Variants in WFIKKN2 observed in about 807,000 individuals in gnomAD.
WFIKKN2 encodes WAP, follistatin/kazal, immunoglobulin, kunitz and netrin domain containing 2, also known as WAP, Kazal, immunoglobulin, Kunitz and NTR domain-containing protein 2.
Under a neutral mutation model 39.2 loss-of-function variants are expected in WFIKKN2, and 25 were observed. The ratio of observed to expected loss-of-function variants is 0.64; its 90% CI spans 0.47 to 0.89. WFIKKN2 has a LOEUF of 0.89. Among genes scored for constraint, WFIKKN2 ranks in the 40% least tolerant of loss-of-function variants. WFIKKN2 has a pLI of 0.00. For synonymous variants in WFIKKN2, 345 were observed against 329.7 expected (o/e 1.05, Z -0.50); for missense variants, 770 against 811.7 (o/e 0.95, Z 0.62).
At position 50,835,876 on chromosome 17, in the gene WFIKKN2, C is replaced by A; in HGVS notation, c.-62C>A. ...GTCTGCAGCCCCTGAGAAGAAGGCC[C>A]TGGTGGGCCCCAGACCCTGGCATCG... On this transcript the variant is annotated 5_prime_UTR_variant, in exon 1 of 2. It adds an upstream start codon to the 5' untranslated region. Coordinates refer to ENST00000311378, the MANE Select transcript of WFIKKN2 (RefSeq NM_175575.6). 6.5e-7 allele frequency: 1 copy of A among 1,546,266 alleles called. No individual in the cohort carries two copies. The highest frequency in any genetic ancestry group is 1.4e-5 in the African/African-American group (1 of 73,120).
rs761990117 is a variant in WFIKKN2, at chr17:50,840,345, T to C, written c.1057T>C (p.Cys353Arg). The C allele has an allele frequency of 2.5e-6, 4 of 1,614,130 alleles. No individual in the cohort carries two copies. Among genetic ancestry groups the C allele is most frequent in the East Asian group, 4.5e-5 (2 of 44,872 alleles). The change falls in exon 2 of 2, where the codon TGC becomes CGC. Residue 353 changes from cysteine (C) to arginine (R), a missense_variant. Transcript: ENST00000311378. ...RWHFDAQANN[C>R]LTFTFGHCHR... ...GCACTTCGATGCCCAGGCCAACAACTGCCTGACCTTCACCTTCGGCCACTG... is the reference window on the plus strand; with the variant it reads ...GCACTTCGATGCCCAGGCCAACAACCGCCTGACCTTCACCTTCGGCCACTG...
Position 50,841,051 on chromosome 17 carries a change from C to T in WFIKKN2, c.*32C>T, listed in dbSNP as rs780098060. 2.8e-5 allele frequency: 42 copies of T among 1,480,652 alleles called. No individual in the cohort carries two copies. The highest frequency in any genetic ancestry group is 3.6e-5 in the Non-Finnish European group (40 of 1,113,996). The allele number at this position is 1,480,652 out of a possible 1,614,324, so 91.7% of individuals were successfully genotyped here. A position where few individuals can be genotyped will look rare whatever the true frequency, so the allele number is the denominator to read the frequency against. ...CCACCCCTCCCTGCCCCCTCCCTGG[C>T]CTTCTTCCACCTATCCACCCCAATG... On this transcript the variant is annotated 3_prime_UTR_variant, in exon 2 of 2. Transcript: ENST00000311378.
At position 50,836,063 on chromosome 17, in the gene WFIKKN2, C is replaced by T. The variant is rs183877030; in HGVS notation, c.126C>T (p.His42=). 1,148 of 1,607,494 alleles carry T rather than the reference C, an allele frequency of 7.1e-4. 27 individuals carry two copies. In the East Asian group the frequency reaches 0.024, roughly 34 times the overall value. The change falls in exon 1 of 2, where the codon CAC becomes CAT. Residue 42 remains histidine (H), a synonymous_variant. Coordinates refer to ENST00000311378, the MANE Select transcript of WFIKKN2 (RefSeq NM_175575.6). ...SLALPPIRYS[H]AGICPNDMNP... The stretch of plus-strand genomic sequence containing the variant: ...CGCTGCCGCCCATCCGCTATTCCCA[C>T]GCCGGCATCTGCCCCAACGACATGA...
chr17:50,838,529 G>A (rs1175358343), intron 1 of WFIKKN2, among the ~76,000 whole-genome samples: 3 of 152,210 alleles, frequency 2.0e-5, no homozygotes, highest in Non-Finnish European at 4.4e-5. Flanking sequence ...TGAAATCCTT[G>A]TTTGTGTCAG....
At position 50,841,274 on chromosome 17, in the gene WFIKKN2, C is replaced by T. The variant is rs1283664731; in HGVS notation, c.*255C>T. The stretch of plus-strand genomic sequence containing the variant: ...GACACATGGAAGTTACTCGTGACCA[C>T]CAGCTTGCTCAGATATTCTCCTCCT... On this transcript the variant is annotated 3_prime_UTR_variant, in exon 2 of 2. Coordinates refer to ENST00000311378, the MANE Select transcript of WFIKKN2 (RefSeq NM_175575.6). 2.6e-6 allele frequency: 1 copy of T among 381,356 alleles called. No individual in the cohort carries two copies. Among genetic ancestry groups the T allele is most frequent in the Non-Finnish European group, 4.7e-6 (1 of 212,764 alleles). The allele number at this position is 381,356 out of a possible 1,614,324, so 23.6% of individuals were successfully genotyped here.
chr17:50,839,990 G>A lies in WFIKKN2; in HGVS notation c.702G>A (p.Val234=). 6.2e-7 allele frequency: 1 copy of A among 1,614,164 alleles called. No homozygotes were observed. The highest frequency in any genetic ancestry group is 8.5e-7 in the Non-Finnish European group (1 of 1,179,980). Residue 234 remains valine (V), a synonymous_variant, in exon 2 of 2, where the codon GTG becomes GTA. Transcript: ENST00000311378. ...CAGTGAGCTTCCTCTGTGATGTGGT[G>A]GGCCGGCCCCGGCCTGAGATCACCT... ...GETVSFLCDV[V]GRPRPEITWE...
rs775664209 is a variant in WFIKKN2, at chr17:50,840,934, C to T, written c.1646C>T (p.Ser549Leu). The change falls in exon 2 of 2, where the codon TCG (serine) becomes TTG (leucine). Residue 549 changes from serine to leucine, a missense_variant. Transcript: ENST00000311378. Reference sequence around the variant, plus strand: ...CGCCCCGATAGCTTTGTGGGCGCATCGAGTGCCCGCCGGGTCAGGAAGCTT... The same window carrying T: ...CGCCCCGATAGCTTTGTGGGCGCATTGAGTGCCCGCCGGGTCAGGAAGCTT... The part of the protein sequence containing the change: ...MLRPDSFVGA[S>L]SARRVRKLRE... 28 of 1,596,568 alleles carry T rather than the reference C, an allele frequency of 1.8e-5. No homozygotes were observed. The highest frequency in any genetic ancestry group is 2.2e-5 in the South Asian group (2 of 89,938).
At chr17:50,836,243 G>T in intron 1 of WFIKKN2, 96 bp downstream of exon 1, 1 of 1,414,634 alleles carries the variant, frequency 7.1e-7, no homozygotes, top group South Asian at 1.3e-5. Flanking sequence ...GTGTGAGGAG[G>T]ACAACGTGAG....
Position 50,840,311 on chromosome 17 carries a change from G to T in WFIKKN2, c.1023G>T (p.Gln341His). The change falls in exon 2 of 2, where the codon CAG becomes CAT. Residue 341 changes from glutamine (Q) to histidine (H), a missense_variant. Transcript: ENST00000311378. ...ACAGTGAGGACTGTGGCGAAGAGCA[G>T]ACCCGCTGGCACTTCGATGCCCAGG... is the stretch of plus-strand genomic sequence containing the variant. ...PPDSEDCGEE[Q>H]TRWHFDAQAN... 1 of 1,614,116 alleles carries T rather than the reference G, an allele frequency of 6.2e-7. No homozygotes were observed. The highest frequency in any genetic ancestry group is 2.2e-5 in the East Asian group (1 of 44,880).
chr17:50,836,092 C>T lies in WFIKKN2; in HGVS notation c.155C>T (p.Pro52Leu), dbSNP rs1316267414. ...HAGICPNDMN[P>L]NLWVDAQSTC... ...GGCATCTGCCCCAACGACATGAATC[C>T]CAACCTCTGGGTGGACGCACAGAGC... Residue 52 changes from proline to leucine, a missense_variant, in exon 1 of 2, where the codon CCC becomes CTC. By Grantham distance (98) the Pro-to-Leu change is moderately conservative. Coordinates refer to ENST00000311378, the MANE Select transcript of WFIKKN2 (RefSeq NM_175575.6). 7 of 1,612,530 alleles carry T rather than the reference C, an allele frequency of 4.3e-6. No homozygotes were observed.
rs539427857 is a variant in WFIKKN2, at chr17:50,839,005, T to C, written c.211-494T>C. 3.9e-5 allele frequency among the ~76,000 whole-genome samples: 6 copies of C among 152,322 alleles called. No homozygotes were observed. The South Asian group carries it at 8.3e-4, about 21-fold the overall frequency. Reference sequence around the variant, plus strand: ...TTCAAGCTAGACCTCATTTGTGCTATATGATGCAGGAGAAAAAACTCCATT... The same window carrying C: ...TTCAAGCTAGACCTCATTTGTGCTACATGATGCAGGAGAAAAAACTCCATT... On this transcript the variant is annotated intron_variant, in intron 1 of 1. Transcript: ENST00000311378.
Position 50,840,946 on chromosome 17 carries a change from G to A in WFIKKN2, c.1658G>A (p.Arg553Gln), listed in dbSNP as rs752279533. The A allele has an allele frequency of 1.1e-5, 17 of 1,588,568 alleles. No homozygotes were observed. Among genetic ancestry groups the A allele is most frequent in the Admixed American group, 1.7e-5 (1 of 58,564 alleles). Residue 553 changes from arginine (R) to glutamine (Q), a missense_variant, in exon 2 of 2, where the codon CGG (arginine) becomes CAG (glutamine). By Grantham distance (43) the Arg-to-Gln change is conservative (BLOSUM62 1). Transcript: ENST00000311378. ...TTTGTGGGCGCATCGAGTGCCCGCC[G>A]GGTCAGGAAGCTTCGTGAGGTCATG... is the stretch of plus-strand genomic sequence containing the variant. ...DSFVGASSARRVRKLREVMHK... is the reference protein window; with the variant it reads ...DSFVGASSARQVRKLREVMHK...
In WFIKKN2 at chr17:50,839,494, T is replaced by C; in HGVS notation, c.211-5T>C. On this transcript the variant is annotated splice_polypyrimidine_tract_variant and splice_region_variant and intron_variant, in intron 1 of 1. Coordinates refer to ENST00000311378, the MANE Select transcript of WFIKKN2 (RefSeq NM_175575.6). The stretch of plus-strand genomic sequence containing the variant: ...TGTTCAGGCCACTCTCTCTGGCTCT[T>C]TCAGGAGTGTGAGACCTATGAGAAG... 1 of 1,609,184 alleles carries C rather than the reference T, an allele frequency of 6.2e-7. No homozygotes were observed. The highest frequency in any genetic ancestry group is 8.5e-7 in the Non-Finnish European group (1 of 1,176,706).
In WFIKKN2 at chr17:50,839,934, C is replaced by G. The variant is rs763874251; in HGVS notation, c.646C>G (p.Pro216Ala). ...GGCGGCCCCTGCGCTGCTCAACAACCCTGTGCACCAGTCGGTCACCATGGG... is the reference window on the plus strand; with the variant it reads ...GGCGGCCCCTGCGCTGCTCAACAACGCTGTGCACCAGTCGGTCACCATGGG... ...DMAAPALLNN[P>A]VHQSVTMGET... The change falls in exon 2 of 2, where the codon CCT becomes GCT. Residue 216 changes from proline (P) to alanine (A), a missense_variant. Physicochemically the swap from Pro to Ala is conservative, Grantham distance 27 (BLOSUM62 -1). Coordinates refer to ENST00000311378, the MANE Select transcript of WFIKKN2 (RefSeq NM_175575.6). 1 of 1,614,110 alleles carries G rather than the reference C, an allele frequency of 6.2e-7. No homozygotes were observed. The highest frequency in any genetic ancestry group is 1.7e-5 in the Admixed American group (1 of 60,016).
chr17:50,835,639 G>C lies in WFIKKN2; in HGVS notation c.-299G>C. ...GCATCAGGTTAGCTGGCTCCCACTCGGGTGGCGCGCCCAGGATATAAATCC... is the reference window on the plus strand; with the variant it reads ...GCATCAGGTTAGCTGGCTCCCACTCCGGTGGCGCGCCCAGGATATAAATCC... On this transcript the variant is annotated 5_prime_UTR_variant, in exon 1 of 2. Transcript: ENST00000311378. 2.4e-6 allele frequency: 1 copy of C among 416,866 alleles called. No homozygotes were observed. Among genetic ancestry groups the C allele is most frequent in the Non-Finnish European group, 4.3e-6 (1 of 234,994 alleles). 25.8% of individuals were successfully genotyped at this position (416,866 alleles called of 1,614,324 possible). A position where few individuals can be genotyped will look rare whatever the true frequency, so the allele number is the denominator to read the frequency against.
In WFIKKN2 at chr17:50,840,197, G is replaced by A. The variant is rs760686039; in HGVS notation, c.909G>A (p.Ser303=). The change falls in exon 2 of 2, where the codon TCG becomes TCA. Residue 303 remains serine, a synonymous_variant. Transcript: ENST00000311378. ...AGVLRADFPL[S]VVRGHQAAAT... is the part of the protein sequence containing the mutation. ...TCCTGAGGGCTGATTTCCCGCTGTC[G>A]GTGGTCAGGGGTCATCAGGCTGCAG... is the stretch of plus-strand genomic sequence containing the variant. The A allele has an allele frequency of 3.6e-5, 58 of 1,613,570 alleles. No individual in the cohort carries two copies. The highest frequency in any genetic ancestry group is 6.7e-5 in the Admixed American group (4 of 60,008).
chr17:50,839,525 C>T lies in WFIKKN2; in HGVS notation c.237C>T (p.Cys79=), dbSNP rs144310014. 26 of 1,613,792 alleles carry T rather than the reference C, an allele frequency of 1.6e-5. No individual in the cohort carries two copies. The African/African-American group carries it at 3.2e-4, about 20-fold the overall frequency. Residue 79 remains cysteine, a synonymous_variant, in exon 2 of 2, where the codon TGC becomes TGT. Coordinates refer to ENST00000311378, the MANE Select transcript of WFIKKN2 (RefSeq NM_175575.6). ...DQECETYEKC[C]PNVCGTKSCV... is the part of the protein sequence containing the mutation. Reference sequence around the variant, plus strand: ...AGTGTGAGACCTATGAGAAGTGCTGCCCCAACGTATGTGGGACCAAGAGCT... The same window carrying T: ...AGTGTGAGACCTATGAGAAGTGCTGTCCCAACGTATGTGGGACCAAGAGCT...
upstream of WFIKKN2, chr17:50,835,076 G>A (rs1453381735): frequency 6.6e-6 from 1 of 152,220 alleles, no homozygotes; most frequent in Non-Finnish European, 1.5e-5. Flanking sequence ...ACTGAAGTTG[G>A]AACTTAAGAC....
chr17:50,836,335 G>A lies in WFIKKN2; in HGVS notation c.210+188G>A, dbSNP rs180796165. Among the ~76,000 whole-genome samples the A allele has an allele frequency of 1.7e-4, 26 of 151,926 alleles. 1 individual carries two copies. In the Middle Eastern group the frequency reaches 0.01, roughly 60 times the overall value. On this transcript the variant is annotated intron_variant, in intron 1 of 1. Transcript: ENST00000311378. ...AGTGTGAGATGGACCAGGTGAGTGG[G>A]ATCCAGAAGCCACAGTGTGAGGCAG...
Sources: gnomAD v4.1 joint callset for allele counts (sites outside exome capture counted in the v4.1 genomes callset) on GRCh38, gnomAD v4.1.1 for gene constraint, MANE v1.5 for transcripts, NCBI Gene and HGNC (gene_info 2026-07-23, HGNC 2026-07-21) for gene names.